The following TMTC2 variants were observed in gnomAD, a reference collection of about 807,000 sequenced individuals.
The protein encoded by TMTC2 is transmembrane O-mannosyltransferase targeting cadherins 2.
Under a neutral mutation model 82.4 loss-of-function variants are expected in TMTC2, and 43 were observed. The observed-to-expected ratio is 0.52, with a 90% confidence interval of 0.41 to 0.67. The LOEUF (loss-of-function observed/expected upper bound fraction) is 0.67, where lower values mean the gene tolerates loss of function less well. Among genes scored for constraint, TMTC2 ranks in the 30% least tolerant of loss-of-function variants. The pLI is 0.00. For missense variants in TMTC2, 919 were observed against 1,012.4 expected, an observed-to-expected ratio of 0.91 and a Z score of 1.25; for synonymous variants, 408 against 381.9, an observed-to-expected ratio of 1.07 and a Z score of -0.80.
At chr12:82,855,333 C>T (rs897772867) in intron 1 of TMTC2, among the ~76,000 whole-genome samples, 3 of 152,136 alleles carry the variant, frequency 2.0e-5, no homozygotes, top group Non-Finnish European at 2.9e-5. Context: ...GGAACGTTTT[C>T]CCTGAATCCA....
intron 3 of TMTC2, among the ~76,000 whole-genome samples, chr12:82,910,569 C>T (rs1013400063): frequency 4.6e-5 from 7 of 152,300 alleles, no homozygotes; most frequent in African/African-American, 1.7e-4. Context: ...GGTTTCTTAC[C>T]TTGGTGTATC....
At chr12:82,906,562 G>A (rs555747821) in intron 3 of TMTC2, among the ~76,000 whole-genome samples, 1 of 152,050 alleles carries the variant, frequency 6.6e-6, no homozygotes, top group East Asian at 2.0e-4. Context: ...TGAGGCAGGC[G>A]CCTCCTGCCT....
At chr12:82,932,484 C>A (rs1231309415) in intron 4 of TMTC2, among the ~76,000 whole-genome samples, 1 of 152,088 alleles carries the variant, frequency 6.6e-6, no homozygotes, top group Non-Finnish European at 1.5e-5. Context: ...GAATTTGTAT[C>A]TTTTTCTTTT....
At chr12:82,793,106 T>A (rs1026419719) in intron 1 of TMTC2, among the ~76,000 whole-genome samples, 1 of 152,156 alleles carries the variant, frequency 6.6e-6, no homozygotes, top group Non-Finnish European at 1.5e-5. Flanking sequence ...AATTACACGA[T>A]GATAGTATGG....
intron 1 of TMTC2, among the ~76,000 whole-genome samples, chr12:82,837,429 G>A (rs1212967747): frequency 6.6e-6 from 1 of 152,126 alleles, no homozygotes. Context: ...GTAACATAAT[G>A]AGACCCTGTC....
chr12:83,124,198 T>C (rs567188495), intron 11 of TMTC2, among the ~76,000 whole-genome samples: 5 of 152,374 alleles, frequency 3.3e-5, no homozygotes, highest in African/African-American at 1.2e-4. Flanking sequence ...TATATATTGC[T>C]TTTGTTCACT....
chr12:82,917,666 A>G (rs1264325837), intron 3 of TMTC2, among the ~76,000 whole-genome samples: 1 of 151,778 alleles, frequency 6.6e-6, no homozygotes, highest in Non-Finnish European at 1.5e-5. Flanking sequence ...CAGTGGTACC[A>G]TTTCGTCTCA....
chr12:83,080,257 CTT>C (rs1474749763), intron 11 of TMTC2, among the ~76,000 whole-genome samples: 1 of 152,122 alleles, frequency 6.6e-6, no homozygotes, highest in East Asian at 1.9e-4. Context: ...AGTTAGGAAT[CTT>C]TTTTACACAG....
At chr12:83,072,749 A>G (rs1297667189) in intron 11 of TMTC2, among the ~76,000 whole-genome samples, 1 of 152,128 alleles carries the variant, frequency 6.6e-6, no homozygotes, top group Non-Finnish European at 1.5e-5. Flanking sequence ...ACCATTATAT[A>G]ATGTCCCTCT....
intron 2 of TMTC2, among the ~76,000 whole-genome samples, chr12:82,895,088 A>AT (rs1417147449): frequency 6.6e-6 from 1 of 150,902 alleles, no homozygotes; most frequent in African/African-American, 2.4e-5. Context: ...AAGTTCTGGG[A>AT]TTACAGGGGT....
chr12:82,998,460 A>G (rs897064069), intron 8 of TMTC2, among the ~76,000 whole-genome samples: 14 of 152,212 alleles, frequency 9.2e-5, no homozygotes, highest in Non-Finnish European at 1.8e-4. Flanking sequence ...AAAAAAAACA[A>G]AAACAACTTT....
At chr12:82,771,952 C>G (rs7310087) in intron 1 of TMTC2, among the ~76,000 whole-genome samples, 23,069 of 152,108 alleles carry the variant, frequency 0.15, 2,004 homozygotes, top group African/African-American at 0.24. Context: ...ATGGGCAAAT[C>G]AATCTTCTAT....
intron 11 of TMTC2, among the ~76,000 whole-genome samples, chr12:83,095,589 G>T (rs79926011): frequency 6.6e-6 from 1 of 151,996 alleles, no homozygotes; most frequent in South Asian, 2.1e-4. Context: ...GCTATATCCC[G>T]AGACGGGGAA....
At chr12:82,892,628 G>A (rs1019126284) in intron 2 of TMTC2, among the ~76,000 whole-genome samples, 8 of 152,188 alleles carry the variant, frequency 5.3e-5, no homozygotes, top group African/African-American at 1.7e-4. Flanking sequence ...TTCCTCCTTC[G>A]TGTGGCTCTC....
At chr12:82,958,672 GA>G (rs1877752455) in intron 4 of TMTC2, among the ~76,000 whole-genome samples, 1 of 151,904 alleles carries the variant, frequency 6.6e-6, no homozygotes. Flanking sequence ...GACATTGAGG[GA>G]ACAAACCTCA....
Position 83,060,518 on chromosome 12 carries a change from G to C in TMTC2, c.2268-1250G>C, listed in dbSNP as rs547269067. Among the ~76,000 whole-genome samples, 108 of 151,726 alleles carry C rather than the reference G, an allele frequency of 7.1e-4. 1 individual carries two copies. Among genetic ancestry groups the C allele is most frequent in the African/African-American group, 2.3e-3 (96 of 41,450 alleles). On this transcript the variant is annotated intron_variant, in intron 10 of 11. Transcript: ENST00000321196. ...GTCTCAATAGCTTCTTTACATCACA[G>C]CTTCAAGAGAACACCACTCCATTTT... is the stretch of plus-strand genomic sequence containing the variant.
intron 1 of TMTC2, among the ~76,000 whole-genome samples, chr12:82,691,498 A>G (rs1271354993): frequency 6.6e-6 from 1 of 152,172 alleles, no homozygotes; most frequent in African/African-American, 2.4e-5. Context: ...TGATTTTAAT[A>G]TTATTTAAAA....
intron 4 of TMTC2, among the ~76,000 whole-genome samples, chr12:82,959,087 A>G (rs1026720859): frequency 6.6e-6 from 1 of 152,164 alleles, no homozygotes; most frequent in Admixed American, 6.6e-5. Context: ...ATAGCCATAT[A>G]CACACACAAA....
At chr12:82,759,385 G>A (rs754852586) in intron 1 of TMTC2, 6 of 152,132 alleles carry the variant, frequency 3.9e-5, no homozygotes, top group Non-Finnish European at 5.9e-5. Flanking sequence ...TCTTTAAAAT[G>A]TATCTTAAAA....
Sources: allele counts gnomAD v4.1 joint callset (sites outside exome capture counted in the v4.1 genomes callset), GRCh38; gene constraint gnomAD v4.1.1; transcripts MANE v1.5; gene names NCBI Gene and HGNC (gene_info 2026-07-23, HGNC 2026-07-21).